Variants in CTNNA3 observed in about 807,000 individuals in gnomAD.
The protein encoded by CTNNA3 is catenin alpha-3.
A neutral mutation model predicts 95.7 loss-of-function variants in CTNNA3; 76 were observed. The ratio of observed to expected loss-of-function variants is 0.79; its 90% CI spans 0.66 to 0.96. The LOEUF (loss-of-function observed/expected upper bound fraction) is 0.96, where lower values mean the gene tolerates loss of function less well. CTNNA3 is among the 40% of genes least tolerant of loss of function. CTNNA3 has a pLI of 0.00. For synonymous variants in CTNNA3, 431 were observed against 374.4 expected, an observed-to-expected ratio of 1.15 and a Z score of -1.74; for missense variants, 1,191 against 1,089.8, an observed-to-expected ratio of 1.09 and a Z score of -1.31.
chr10:67,482,933 A>C (rs1243309036), intron 5 of CTNNA3, among the ~76,000 whole-genome samples: 1 of 152,186 alleles, frequency 6.6e-6, no homozygotes, highest in Non-Finnish European at 1.5e-5. Flanking sequence ...ATCAATAAAC[A>C]ACCCCATCAA....
chr10:66,052,696 AG>A (rs1352983956), intron 15 of CTNNA3, among the ~76,000 whole-genome samples: 1 of 152,164 alleles, frequency 6.6e-6, no homozygotes, highest in Non-Finnish European at 1.5e-5. Flanking sequence ...GGACAAAAAA[AG>A]TCTGTGGTAG....
At chr10:66,584,525 G>T (rs1016500285) in intron 10 of CTNNA3, among the ~76,000 whole-genome samples, 5 of 151,676 alleles carry the variant, frequency 3.3e-5, no homozygotes, top group Non-Finnish European at 7.4e-5. Flanking sequence ...GTTTCCATTT[G>T]CAAGAAATGT....
At chr10:66,847,486 C>T (rs545982642) in intron 7 of CTNNA3, among the ~76,000 whole-genome samples, 5 of 152,194 alleles carry the variant, frequency 3.3e-5, no homozygotes, top group South Asian at 2.1e-4. Context: ...GTAGCCAAAC[C>T]GTTTGCATTT....
At chr10:67,727,051 G>C (rs867354946) in intron 1 of CTNNA3, among the ~76,000 whole-genome samples, 1 of 102,824 alleles carries the variant, frequency 9.7e-6, no homozygotes, top group South Asian at 2.7e-4. Flanking sequence ...ATACATATAT[G>C]ATATAATTAT....
At chr10:65,960,965 C>CT (rs1009384391) in intron 17 of CTNNA3, among the ~76,000 whole-genome samples, 2 of 152,056 alleles carry the variant, frequency 1.3e-5, no homozygotes, top group East Asian at 3.9e-4. Flanking sequence ...AAGAAGAGCT[C>CT]TTTTTTCTTT....
At chr10:67,510,158 G>A (rs945804237) in intron 5 of CTNNA3, among the ~76,000 whole-genome samples, 5 of 152,156 alleles carry the variant, frequency 3.3e-5, no homozygotes, top group African/African-American at 1.2e-4. Flanking sequence ...TCTGATGGTA[G>A]TTTCTTTTGC....
rs556544563 is a variant in CTNNA3, at chr10:66,594,031, T to C, written c.1374+27661A>G. On this transcript the variant is annotated intron_variant, in intron 10 of 17. Coordinates refer to ENST00000433211, the MANE Select transcript of CTNNA3 (RefSeq NM_013266.4). ...TCTTCTCTGAACTTCAAAGTAGAAATATCTCTTCCACCTGACACTTCCATT... is the reference window on the plus strand; with the variant it reads ...TCTTCTCTGAACTTCAAAGTAGAAACATCTCTTCCACCTGACACTTCCATT... Among the ~76,000 whole-genome samples the C allele has an allele frequency of 4.1e-4, 63 of 152,188 alleles. 2 individuals are homozygous for C. The South Asian group carries it at 0.012, about 30-fold the overall frequency.
chr10:66,969,076 T>A (rs1010423072), intron 7 of CTNNA3, among the ~76,000 whole-genome samples: 1 of 152,000 alleles, frequency 6.6e-6, no homozygotes, highest in African/African-American at 2.4e-5. Flanking sequence ...CTTTATGAGC[T>A]ATTTCTTTTA....
intron 13 of CTNNA3, among the ~76,000 whole-genome samples, chr10:66,133,806 G>T (rs2083233787): frequency 6.6e-6 from 1 of 152,066 alleles, no homozygotes; most frequent in Non-Finnish European, 1.5e-5. Flanking sequence ...ATGAGGTTAG[G>T]AAAACTGTAT....
intron 11 of CTNNA3, among the ~76,000 whole-genome samples, chr10:66,460,641 C>T (rs370807623): frequency 6.6e-6 from 1 of 152,066 alleles, no homozygotes; most frequent in African/African-American, 2.4e-5. Flanking sequence ...CATGCTGCAG[C>T]CCATAGAGCG....
intron 13 of CTNNA3, among the ~76,000 whole-genome samples, chr10:66,140,906 A>T (rs577050582): frequency 6.6e-6 from 1 of 152,218 alleles, no homozygotes; most frequent in Admixed American, 6.5e-5. Flanking sequence ...GTTGGTTGTG[A>T]TGATACTTGA....
At chr10:66,750,003 C>T (rs1381018785) in intron 9 of CTNNA3, among the ~76,000 whole-genome samples, 2 of 152,130 alleles carry the variant, frequency 1.3e-5, no homozygotes, top group Non-Finnish European at 2.9e-5. Context: ...ATTGGACATA[C>T]GTATATCTTC....
intron 15 of CTNNA3, among the ~76,000 whole-genome samples, chr10:66,023,520 A>T (rs1281267857): frequency 6.6e-6 from 1 of 152,184 alleles, no homozygotes; most frequent in Non-Finnish European, 1.5e-5. Flanking sequence ...AAAAATATGG[A>T]GGTGAAATAC....
intron 5 of CTNNA3, among the ~76,000 whole-genome samples, chr10:67,342,099 C>CCT (rs1554824819): frequency 3.6e-5 from 3 of 83,660 alleles, no homozygotes; most frequent in East Asian, 3.7e-4. Flanking sequence ...TATTTTTCTT[C>CCT]TTTTTTTTTT....
chr10:66,652,223 T>G (rs868260332), intron 9 of CTNNA3, among the ~76,000 whole-genome samples: 1 of 151,588 alleles, frequency 6.6e-6, no homozygotes, highest in African/African-American at 2.4e-5. Flanking sequence ...CAAAAGTGGC[T>G]TTTTGGAAGT....
chr10:67,650,829 G>T (rs2133491539), intron 1 of CTNNA3, among the ~76,000 whole-genome samples: 1 of 152,256 alleles, frequency 6.6e-6, no homozygotes, highest in Non-Finnish European at 1.5e-5. Context: ...TCAGAGAGAT[G>T]CACAGAGAGG....
chr10:67,687,557 T>C (rs1053731293), intron 1 of CTNNA3, among the ~76,000 whole-genome samples: 1 of 152,148 alleles, frequency 6.6e-6, no homozygotes, highest in Admixed American at 6.5e-5. Flanking sequence ...TTTGGGCCTG[T>C]TTCTCTTGGT....
chr10:66,917,192 G>C (rs1213075752), intron 7 of CTNNA3, among the ~76,000 whole-genome samples: 7 of 152,184 alleles, frequency 4.6e-5, no homozygotes, highest in Admixed American at 4.6e-4. Flanking sequence ...AATACTCATT[G>C]AATAAACAAG....
chr10:66,381,719 A>C (rs964119413), intron 11 of CTNNA3, among the ~76,000 whole-genome samples: 1 of 152,148 alleles, frequency 6.6e-6, no homozygotes, highest in Non-Finnish European at 1.5e-5. Flanking sequence ...AAACACTGAA[A>C]ACCTTCATTA....
Sources: gnomAD v4.1 joint callset for allele counts (sites outside exome capture counted in the v4.1 genomes callset) on GRCh38, gnomAD v4.1.1 for gene constraint, MANE v1.5 for transcripts, NCBI Gene and HGNC (gene_info 2026-07-23, HGNC 2026-07-21) for gene names.